The following KIF7 variants were observed in gnomAD, a reference collection of about 807,000 sequenced individuals.
KIF7 encodes kinesin-like protein KIF7.
In KIF7, 104 loss-of-function variants were observed where a neutral mutation model predicts 135.7. The observed-to-expected ratio is 0.77, with a 90% confidence interval of 0.65 to 0.90. KIF7 has a LOEUF of 0.90. Ranked by LOEUF, KIF7 falls within the 40% of genes least tolerant of loss-of-function variation. KIF7 has a pLI of 0.00. For synonymous variants in KIF7, 883 were observed against 809.4 expected (o/e 1.09, Z -1.54); for missense variants, 2,005 against 1,839.1 (o/e 1.09, Z -1.65).
chr15:89,640,635 C>T (rs939322161), intron 11 of KIF7, among the ~76,000 whole-genome samples: 5 of 151,348 alleles, frequency 3.3e-5, no homozygotes, highest in African/African-American at 7.3e-5. Flanking sequence ...CAAGGATGGA[C>T]GGATGGAAGG....
intron 15 of KIF7, 33 bp downstream of exon 15, chr15:89,631,462 A>T: frequency 6.6e-7 from 1 of 1,523,188 alleles, no homozygotes; most frequent in Non-Finnish European, 8.9e-7. Flanking sequence ...ATACAATGGC[A>T]CCAAGGGGCT....
At chr15:89,624,933 C>T, downstream of KIF7, 1 of 1,614,138 alleles carries the variant, frequency 6.2e-7, no homozygotes, top group Non-Finnish European at 8.5e-7. Flanking sequence ...CACAACTAGA[C>T]AACCTGCCAG....
downstream of KIF7, chr15:89,625,208 C>A: frequency 6.2e-7 from 1 of 1,613,756 alleles, no homozygotes; most frequent in Non-Finnish European, 8.5e-7. Flanking sequence ...TCCCACAGCA[C>A]ACCTGGCAAG....
intron 1 of KIF7, chr15:89,621,517 C>A (rs779442057): frequency 2.5e-6 from 4 of 1,613,620 alleles, no homozygotes. Context: ...GTTCAAGAAA[C>A]ACTTTGGATT....
chr15:89,629,291 A>G (rs1173969863), intron 17 of KIF7, 84 bp downstream of exon 17: 147 of 581,544 alleles, frequency 2.5e-4, no homozygotes, highest in Admixed American at 7.0e-4. Flanking sequence ...CGGTGGGGGG[A>G]GGGAGGGGGG....
chr15:89,654,364 T>G (rs1964175216), intron 1 of KIF7, among the ~76,000 whole-genome samples: 1 of 147,676 alleles, frequency 6.8e-6, no homozygotes, highest in Admixed American at 6.8e-5. Context: ...AATCAGGCCC[T>G]GCCTCCCTGG....
At chr15:89,649,716 A>C (rs1286199708) in intron 3 of KIF7, 25 bp downstream of exon 3, 2 of 1,549,406 alleles carry the variant, frequency 1.3e-6, no homozygotes, top group African/African-American at 2.7e-5. Context: ...CCTCTCCGTC[A>C]GTGGAGGACC....
intron 10 of KIF7, among the ~76,000 whole-genome samples, chr15:89,644,466 G>A (rs924501963): frequency 2.6e-5 from 4 of 151,776 alleles, no homozygotes; most frequent in Admixed American, 2.0e-4. Flanking sequence ...CCTGAGGTCA[G>A]GAGTTCAACA....
downstream of KIF7, chr15:89,625,684 G>A (rs1455995329): frequency 1.2e-6 from 2 of 1,613,712 alleles, no homozygotes; most frequent in Non-Finnish European, 1.7e-6. Context: ...AAGGATCTGT[G>A]ACCTGAGAGA....
At chr15:89,630,212 G>A (rs1963642082) in intron 16 of KIF7, 75 bp downstream of exon 16, 7 of 1,381,234 alleles carry the variant, frequency 5.1e-6, no homozygotes, top group Non-Finnish European at 7.2e-6. Context: ...GATATCCGCT[G>A]GAGCAGCTGC....
chr15:89,652,608 C>T lies in KIF7; in HGVS notation c.323G>A (p.Ser108Asn). The T allele has an allele frequency of 6.6e-7, 1 of 1,522,306 alleles. No individual in the cohort carries two copies. The highest frequency in any genetic ancestry group is 8.9e-7 in the Non-Finnish European group (1 of 1,126,082). 94.3% of individuals were successfully genotyped at this position (1,522,306 alleles called of 1,614,324 possible). A position where few individuals can be genotyped will look rare whatever the true frequency, so the allele number is the denominator to read the frequency against. The change falls in exon 2 of 19, where the codon AGT (serine) becomes AAT (asparagine). Residue 108 changes from serine (S) to asparagine (N), a missense_variant. Transcript: ENST00000394412. Reference sequence around the variant, plus strand: ...CCACGAACAGGGTCACTCACCCACACTGGCCTCCCCCATGGTGTATGTCTT... The same window carrying T: ...CCACGAACAGGGTCACTCACCCACATTGGCCTCCCCCATGGTGTATGTCTT... ...SGKTYTMGEA[S>N]VASLLEDEQG...
At chr15:89,643,453 G>A (rs950021979) in intron 10 of KIF7, among the ~76,000 whole-genome samples, 3 of 152,092 alleles carry the variant, frequency 2.0e-5, no homozygotes, top group East Asian at 1.9e-4. Flanking sequence ...GCATTCACGG[G>A]GTCCTGGAAC....
Position 89,648,788 on chromosome 15 carries a change from G to A in KIF7, c.924-14C>T, listed in dbSNP as rs573998309. 49 of 1,528,488 alleles carry A rather than the reference G, an allele frequency of 3.2e-5. No individual in the cohort carries two copies. The highest frequency in any genetic ancestry group is 1.7e-4 in the Middle Eastern group (1 of 5,920). The allele number at this position is 1,528,488 out of a possible 1,614,324, so 94.7% of individuals were successfully genotyped here. On this transcript the variant is annotated splice_polypyrimidine_tract_variant and intron_variant, in intron 4 of 18. Transcript: ENST00000394412. ...TCTTTGAGGATCCTGAGGGCGCGAGGGGGAGGCTCTCAGGGGCCCCGACGC... is the reference window on the plus strand; with the variant it reads ...TCTTTGAGGATCCTGAGGGCGCGAGAGGGAGGCTCTCAGGGGCCCCGACGC...
chr15:89,631,575 G>A lies in KIF7; in HGVS notation c.3031C>T (p.Arg1011Cys), dbSNP rs757590116. 15 of 1,567,976 alleles carry A rather than the reference G, an allele frequency of 9.6e-6. No homozygotes were observed. The highest frequency in any genetic ancestry group is 3.5e-5 in the South Asian group (3 of 85,596). Residue 1011 changes from arginine to cysteine, a missense_variant, in exon 15 of 19, where the codon CGC (arginine) becomes TGC (cysteine). Transcript: ENST00000394412. ...TTGAGCAGCGAGTCCTTCTCCTGGC[G>A]CAGGCTGTCGATCTCCCCGCGGATC... ...QQIRGEIDSLRQEKDSLLKQR... is the reference protein window; with the variant it reads ...QQIRGEIDSLCQEKDSLLKQR...
downstream of KIF7, chr15:89,625,439 C>T (rs745826660): frequency 6.2e-7 from 1 of 1,613,962 alleles, no homozygotes; most frequent in African/African-American, 1.3e-5. Flanking sequence ...GCAGACCTTC[C>T]TGGGAGCCTG....
At chr15:89,625,649 A>G, downstream of KIF7, 1 of 1,613,738 alleles carries the variant, frequency 6.2e-7, no homozygotes, top group Middle Eastern at 1.6e-4. Flanking sequence ...CTGTTGGCCA[A>G]GGAAGAAGCT....
intron 11 of KIF7, among the ~76,000 whole-genome samples, chr15:89,636,421 A>G (rs1249814363): frequency 7.7e-6 from 1 of 129,428 alleles, no homozygotes; most frequent in Non-Finnish European, 1.6e-5. Context: ...AGTGTGCTGT[A>G]TTCAGGAAAC....
chr15:89,642,564 A>G (rs1963943357), intron 10 of KIF7, among the ~76,000 whole-genome samples, 159 bp from the exon 11 acceptor site: 1 of 151,968 alleles, frequency 6.6e-6, no homozygotes, highest in Admixed American at 6.6e-5. Context: ...TTTTCTTCAA[A>G]TCAACTCTAT....
At position 89,649,841 on chromosome 15, in the gene KIF7, C is replaced by A; in HGVS notation, c.429G>T (p.Val143=). The change falls in exon 3 of 19, where the codon GTG becomes GTT. Residue 143 remains valine (V), a synonymous_variant. Coordinates refer to ENST00000394412, the MANE Select transcript of KIF7 (RefSeq NM_198525.3). ...CCTCCTTGTACACTTCCAGGTAGGACACATGTACCAGACAGTCAAGCAGGT... is the reference window on the plus strand; with the variant it reads ...CCTCCTTGTACACTTCCAGGTAGGAAACATGTACCAGACAGTCAAGCAGGT... ...ENDLLDCLVH[V]SYLEVYKEEF... 1.3e-6 allele frequency: 2 copies of A among 1,551,814 alleles called. No homozygotes were observed. Among genetic ancestry groups the A allele is most frequent in the Non-Finnish European group, 8.7e-7 (1 of 1,147,010 alleles).
Sources: gnomAD v4.1 joint callset for allele counts (sites outside exome capture counted in the v4.1 genomes callset) on GRCh38, gnomAD v4.1.1 for gene constraint, MANE v1.5 for transcripts, NCBI Gene and HGNC (gene_info 2026-07-23, HGNC 2026-07-21) for gene names.